IP6K2: variants seen among roughly 807,000 people sequenced by gnomAD.
IP6K2 encodes the protein ATP:1D-myo-inositol-hexakisphosphate phosphotransferase.
Under a neutral mutation model 43.3 loss-of-function variants are expected in IP6K2, and 9 were observed. The observed-to-expected ratio is 0.21, with a 90% CI of 0.13 to 0.36. IP6K2 has a LOEUF of 0.36. Ranked by LOEUF, IP6K2 falls within the 10% of genes least tolerant of loss-of-function variation. IP6K2 has a pLI of 1.00. For missense variants in IP6K2, 332 were observed against 538.4 expected (o/e 0.62, Z 3.79); for synonymous variants, 209 against 202.4 (o/e 1.03, Z -0.28).
intron 1 of IP6K2, among the ~76,000 whole-genome samples, chr3:48,704,324 G>A (rs2079434725): frequency 6.6e-6 from 1 of 152,162 alleles, no homozygotes; most frequent in Non-Finnish European, 1.5e-5. Flanking sequence ...CATCCTTGAT[G>A]ATGAACACAT....
intron 1 of IP6K2, chr3:48,708,289 T>C (rs985805106): frequency 6.6e-6 from 1 of 151,924 alleles, no homozygotes; most frequent in Admixed American, 6.6e-5. Flanking sequence ...AAAAAAGAAA[T>C]ATGTTTATCA....
intron 4 of IP6K2, 52 bp from the exon 5 acceptor site, chr3:48,689,765 T>C (rs1037536766): frequency 1.2e-5 from 18 of 1,522,272 alleles, no homozygotes; most frequent in Non-Finnish European, 1.6e-5. Context: ...GCATGGGTCC[T>C]TGGCACTCTC....
At chr3:48,702,851 A>G (rs1173109258) in intron 1 of IP6K2, among the ~76,000 whole-genome samples, 2 of 152,216 alleles carry the variant, frequency 1.3e-5, no homozygotes, top group South Asian at 2.1e-4. Context: ...CAAGAGCACC[A>G]GCATAAAGTA....
Position 48,695,578 on chromosome 3 carries a change from G to A in IP6K2, c.-130-157C>T, listed in dbSNP as rs997219925. 22 of 1,033,282 alleles carry A rather than the reference G, an allele frequency of 2.1e-5. No homozygotes were observed. The highest frequency in any genetic ancestry group is 8.9e-5 in the South Asian group (2 of 22,540). The allele number at this position is 1,033,282 out of a possible 1,614,324, so 64.0% of individuals were successfully genotyped here. On this transcript the variant is annotated intron_variant, in intron 1 of 5. Transcript: ENST00000328631. The surrounding 1 kb of genome is among the most constrained non-coding windows in gnomAD (Gnocchi z 4.6). ...ACCCACCTTGGCCCCCGCCTTCTCC[G>A]GCAGAAAAACAAAAACACTATGAGC... is the stretch of plus-strand genomic sequence containing the variant.
At chr3:48,694,381 A>G (rs2078078053) in intron 2 of IP6K2, 2 of 1,544,398 alleles carry the variant, frequency 1.3e-6, no homozygotes, top group Non-Finnish European at 1.8e-6. Context: ...CAGTCCCAAA[A>G]GAACCTAAGT....
At chr3:48,709,426 G>C (rs1190675838) in intron 1 of IP6K2, among the ~76,000 whole-genome samples, 1 of 152,222 alleles carries the variant, frequency 6.6e-6, no homozygotes, top group African/African-American at 2.4e-5. Context: ...AACTACTCCA[G>C]GTTCGTGGCA....
intron 2 of IP6K2, chr3:48,694,255 C>G (rs1240454504): frequency 6.4e-7 from 1 of 1,551,542 alleles, no homozygotes; most frequent in East Asian, 2.4e-5. Flanking sequence ...AAAAAAACAA[C>G]AGAGAAGGAC....
In IP6K2 at chr3:48,688,458, C is replaced by T; in HGVS notation, c.1096G>A (p.Ala366Thr). 1.9e-6 allele frequency: 3 copies of T among 1,614,232 alleles called. No homozygotes were observed. The highest frequency in any genetic ancestry group is 2.5e-6 in the Non-Finnish European group (3 of 1,180,030). ...SEESADESAGAYAYKPIGASS... is the reference protein window; with the variant it reads ...SEESADESAGTYAYKPIGASS... Reference sequence around the variant, plus strand: ...GCGCCGATGGGTTTGTAGGCATAGGCACCAGCAGACTCATCAGCTGATTCC... The same window carrying T: ...GCGCCGATGGGTTTGTAGGCATAGGTACCAGCAGACTCATCAGCTGATTCC... Residue 366 changes from alanine to threonine, a missense_variant, in exon 6 of 6, where the codon GCC (alanine) becomes ACC (threonine). Physicochemically the swap from Ala to Thr is moderately conservative, Grantham distance 58. Transcript: ENST00000328631. The surrounding 1 kb of genome is among the most constrained non-coding windows in gnomAD (Gnocchi z 5.1).
chr3:48,705,909 T>TAA (rs11464060), intron 1 of IP6K2, among the ~76,000 whole-genome samples: 1,820 of 146,314 alleles, frequency 0.012, 30 homozygotes, highest in African/African-American at 0.042. Context: ...TAAAATAAAA[T>TAA]AAAAAAAAAC....
chr3:48,693,247 T>G, intron 2 of IP6K2, 68 bp from the exon 3 acceptor site: 3 of 1,387,264 alleles, frequency 2.2e-6, no homozygotes, highest in Non-Finnish European at 3.1e-6. Flanking sequence ...GTAACATGAT[T>G]GTAACATTTG....
intron 1 of IP6K2, among the ~76,000 whole-genome samples, chr3:48,703,216 A>G (rs2079264941): frequency 6.6e-6 from 1 of 152,250 alleles, no homozygotes; most frequent in African/African-American, 2.4e-5. Context: ...AACCTTTTGG[A>G]AAATTCTCTC....
chr3:48,693,146 T>C lies in IP6K2; in HGVS notation c.236A>G (p.Asp79Gly). Residue 79 changes from aspartate to glycine, a missense_variant, in exon 3 of 6, where the codon GAC becomes GGC. Transcript: ENST00000328631. ...ATATGCTATTAGACACAAGTTCCTG[T>C]CTTCATCTTCTTCAAAGCGCACAGA... ...VVSVRFEEDE[D>G]RNLCLIAYPL... 6.2e-7 allele frequency: 1 copy of C among 1,614,190 alleles called. No homozygotes were observed. Among genetic ancestry groups the C allele is most frequent in the East Asian group, 2.2e-5 (1 of 44,882 alleles).
chr3:48,713,994 G>A (rs898084239), intron 1 of IP6K2, among the ~76,000 whole-genome samples: 4 of 151,922 alleles, frequency 2.6e-5, no homozygotes, highest in Non-Finnish European at 5.9e-5. Flanking sequence ...GCACATGCCT[G>A]TAGTCCCAGC....
At chr3:48,714,035 T>C (rs2080873694) in intron 1 of IP6K2, among the ~76,000 whole-genome samples, 1 of 151,406 alleles carries the variant, frequency 6.6e-6, no homozygotes, top group African/African-American at 2.4e-5. Flanking sequence ...GAGAATCGGT[T>C]GAACCTGAGA....
chr3:48,716,175 T>C (rs1336646559), intron 1 of IP6K2, among the ~76,000 whole-genome samples: 1 of 152,210 alleles, frequency 6.6e-6, no homozygotes. Context: ...ACAGCAAACA[T>C]TTTAAACACT....
In IP6K2 at chr3:48,688,666, C is replaced by T; in HGVS notation, c.888G>A (p.Gly296=). ...CCAGGAGTTCACGGCGCAGGTACCG[C>T]CCATTGTGGAAGAACTGGAAAAGTG... ...KEALFQFFHN[G]RYLRRELLGP... Residue 296 remains glycine (G), a synonymous_variant, in exon 6 of 6, where the codon GGG becomes GGA. Transcript: ENST00000328631. This position sits in a 1 kb window ranked among gnomAD's most constrained non-coding sequence, Gnocchi z 5.1. 6.2e-7 allele frequency: 1 copy of T among 1,614,240 alleles called. No homozygotes were observed. Among genetic ancestry groups the T allele is most frequent in the Non-Finnish European group, 8.5e-7 (1 of 1,180,042 alleles).
chr3:48,691,725 G>A (rs1269308254), intron 3 of IP6K2, among the ~76,000 whole-genome samples: 1 of 152,128 alleles, frequency 6.6e-6, no homozygotes, highest in Non-Finnish European at 1.5e-5. Flanking sequence ...TTGAACCTGG[G>A]AGGCAGAGGT....
At chr3:48,701,771 G>A (rs1247137282) in intron 1 of IP6K2, among the ~76,000 whole-genome samples, 3 of 151,936 alleles carry the variant, frequency 2.0e-5, no homozygotes, top group African/African-American at 7.3e-5. Context: ...GGTGGCAGGC[G>A]CCTGTAGTCC....
chr3:48,702,650 T>A (rs1261251891), intron 1 of IP6K2, among the ~76,000 whole-genome samples: 3 of 152,152 alleles, frequency 2.0e-5, no homozygotes, highest in Admixed American at 1.3e-4. Flanking sequence ...AGCCACTCTA[T>A]CTAAAAGTGA....
Sources: allele counts gnomAD v4.1 joint callset (sites outside exome capture counted in the v4.1 genomes callset), GRCh38; gene constraint gnomAD v4.1.1; non-coding constraint Gnocchi (gnomAD v3.1); transcripts MANE v1.5; gene names NCBI Gene and HGNC (gene_info 2026-07-23, HGNC 2026-07-21).